The following ZNF277 variants were observed in gnomAD, a reference collection of about 807,000 sequenced individuals.
ZNF277 encodes the protein zinc finger protein 277.
In ZNF277, 55 loss-of-function variants were observed where a neutral mutation model predicts 60.7. That is an observed-to-expected ratio of 0.91 (90% confidence interval 0.73 to 1.13). ZNF277 has a LOEUF of 1.13. Ranked by LOEUF, ZNF277 falls within the 50% of genes most tolerant of loss-of-function variation. The probability of loss-of-function intolerance (pLI) is 0.00; values close to 1 mark genes in which losing one functional copy is unlikely to be tolerated. For synonymous variants in ZNF277, 178 were observed against 179.3 expected (o/e 0.99, Z 0.06); for missense variants, 510 against 523.0 (o/e 0.98, Z 0.24).
At chr7:112,245,400 A>C (rs117070616) in intron 1 of ZNF277, among the ~76,000 whole-genome samples, 2,507 of 152,170 alleles carry the variant, frequency 0.016, 34 homozygotes, top group South Asian at 0.037. Flanking sequence ...TCCTCTTCTC[A>C]TGTCTTTTCT....
intron 1 of ZNF277, among the ~76,000 whole-genome samples, chr7:112,268,225 G>A (rs147444354): frequency 6.6e-6 from 1 of 151,800 alleles, no homozygotes; most frequent in Non-Finnish European, 1.5e-5. Flanking sequence ...GATTTAGGGG[G>A]AAAGTATACC....
chr7:112,300,940 A>G (rs1792457814), intron 4 of ZNF277, among the ~76,000 whole-genome samples: 1 of 152,010 alleles, frequency 6.6e-6, no homozygotes, highest in South Asian at 2.1e-4. Context: ...ACTCATACTT[A>G]CCTTGTCTAT....
At chr7:112,262,956 G>A (rs80330635) in intron 1 of ZNF277, among the ~76,000 whole-genome samples, 1,668 of 152,266 alleles carry the variant, frequency 0.011, 32 homozygotes, top group African/African-American at 0.038. Context: ...TTTCTCCATC[G>A]TAATCCAAAT....
chr7:112,232,110 G>C (rs1822355630), intron 1 of ZNF277, among the ~76,000 whole-genome samples: 1 of 144,758 alleles, frequency 6.9e-6, no homozygotes, highest in Non-Finnish European at 1.5e-5. Context: ...TTATCTCAAA[G>C]CCCTTCTCTC....
intron 4 of ZNF277, among the ~76,000 whole-genome samples, chr7:112,307,412 T>C (rs1792623582): frequency 6.6e-6 from 1 of 151,990 alleles, no homozygotes; most frequent in Admixed American, 6.6e-5. Flanking sequence ...GTTATGAATT[T>C]ATTTCTTTTT....
chr7:112,302,408 T>C (rs984619815), intron 4 of ZNF277, among the ~76,000 whole-genome samples: 1 of 152,040 alleles, frequency 6.6e-6, no homozygotes, highest in African/African-American at 2.4e-5. Context: ...AGTAAAAAAA[T>C]CAATTTATAT....
intron 1 of ZNF277, among the ~76,000 whole-genome samples, chr7:112,275,410 A>T (rs1238642166): frequency 6.6e-6 from 1 of 152,200 alleles, no homozygotes; most frequent in African/African-American, 2.4e-5. Flanking sequence ...AAGAGTATGT[A>T]AAGTAAGCAT....
At chr7:112,215,732 TAACTG>T (rs779503264) in intron 1 of ZNF277, among the ~76,000 whole-genome samples, 1 of 152,228 alleles carries the variant, frequency 6.6e-6, no homozygotes, top group Non-Finnish European at 1.5e-5. Context: ...GTTTTTTTCT[TAACTG>T]AAAGAACTCT....
chr7:112,272,597 G>A (rs1207586780), intron 1 of ZNF277, among the ~76,000 whole-genome samples: 5 of 152,116 alleles, frequency 3.3e-5, no homozygotes, highest in African/African-American at 1.2e-4. Context: ...AGATTCAAAC[G>A]ATTCTCCTCC....
At chr7:112,307,854 G>T (rs1047949953) in intron 4 of ZNF277, among the ~76,000 whole-genome samples, 4 of 151,676 alleles carry the variant, frequency 2.6e-5, no homozygotes, top group African/African-American at 9.7e-5. Context: ...AGTTCTAAAA[G>T]ATAAATACAT....
At chr7:112,308,546 A>T (rs1161128459) in intron 4 of ZNF277, among the ~76,000 whole-genome samples, 1 of 151,864 alleles carries the variant, frequency 6.6e-6, no homozygotes, top group Admixed American at 6.6e-5. Flanking sequence ...TATGATCATG[A>T]TATATATGAG....
intron 1 of ZNF277, among the ~76,000 whole-genome samples, chr7:112,237,404 A>G (rs1587103631): frequency 6.6e-6 from 1 of 152,278 alleles, no homozygotes; most frequent in East Asian, 1.9e-4. Flanking sequence ...AAACAAACAA[A>G]AAAAATCAAT....
chr7:112,294,279 G>A (rs931182103), intron 2 of ZNF277, among the ~76,000 whole-genome samples: 4 of 152,192 alleles, frequency 2.6e-5, no homozygotes, highest in Non-Finnish European at 1.5e-5. Context: ...GGAGTACAAC[G>A]TGTTGAAGCT....
chr7:112,287,178 A>C, intron 2 of ZNF277, 104 bp downstream of exon 2: 1 of 1,179,964 alleles, frequency 8.5e-7, no homozygotes, highest in Non-Finnish European at 1.2e-6. Flanking sequence ...GGATCACCCG[A>C]GGCCAGTAGT....
intron 4 of ZNF277, among the ~76,000 whole-genome samples, chr7:112,299,462 C>T (rs879845689): frequency 6.6e-6 from 1 of 152,142 alleles, no homozygotes; most frequent in Non-Finnish European, 1.5e-5. Flanking sequence ...GGCACTTTCT[C>T]ATCATGCATT....
In ZNF277 at chr7:112,208,533, C is replaced by A. The variant is rs577730734; in HGVS notation, c.91+1726C>A. 1.2e-4 allele frequency among the ~76,000 whole-genome samples: 18 copies of A among 150,840 alleles called. No homozygotes were observed. In the South Asian group the frequency reaches 3.4e-3, roughly 28 times the overall value. On this transcript the variant is annotated intron_variant, in intron 1 of 11. Coordinates refer to ENST00000361822, the MANE Select transcript of ZNF277 (RefSeq NM_021994.3). ...TGAAAATTCCCTCACCTCACAGCAC[C>A]ACTCCCCGAGTATTAAGTGATAAGA...
chr7:112,317,654 G>A (rs1792871708), intron 4 of ZNF277, among the ~76,000 whole-genome samples: 1 of 152,076 alleles, frequency 6.6e-6, no homozygotes, highest in African/African-American at 2.4e-5. Context: ...AATTCTAGCA[G>A]CAAAAAGAGG....
chr7:112,287,050 T>G lies in ZNF277; in HGVS notation c.269T>G (p.Val90Gly). 6.2e-7 allele frequency: 1 copy of G among 1,614,038 alleles called. No individual in the cohort carries two copies. The highest frequency in any genetic ancestry group is 1.7e-4 in the Middle Eastern group (1 of 6,060). The change falls in exon 2 of 12, where the codon GTC (valine) becomes GGC (glycine). Residue 90 changes from valine to glycine, a missense_variant. Coordinates refer to ENST00000361822, the MANE Select transcript of ZNF277 (RefSeq NM_021994.3). ...IIEHKIVIADVKLVADFQRYI... is the reference protein window; with the variant it reads ...IIEHKIVIADGKLVADFQRYI... Reference sequence around the variant, plus strand: ...GAGCATAAGATTGTCATAGCTGATGTCAAGTTGGTTGCTGATTTCCAAAGG... The same window carrying G: ...GAGCATAAGATTGTCATAGCTGATGGCAAGTTGGTTGCTGATTTCCAAAGG...
chr7:112,246,902 A>C lies in ZNF277; in HGVS notation c.92-39971A>C, dbSNP rs528578625. ...TTATCTTAGGAATGCAAGTCGTTTT[A>C]ATTATTAGGCCCCAGAGAGACATTT... On this transcript the variant is annotated intron_variant, in intron 1 of 11. Coordinates refer to ENST00000361822, the MANE Select transcript of ZNF277 (RefSeq NM_021994.3). Among the ~76,000 whole-genome samples the C allele has an allele frequency of 2.0e-5, 3 of 152,252 alleles. No individual in the cohort carries two copies. In the East Asian group the frequency reaches 5.8e-4, roughly 29 times the overall value.
Sources: gnomAD v4.1 joint callset for allele counts (sites outside exome capture counted in the v4.1 genomes callset) on GRCh38, gnomAD v4.1.1 for gene constraint, MANE v1.5 for transcripts, NCBI Gene and HGNC (gene_info 2026-07-23, HGNC 2026-07-21) for gene names.